Variants in ATP8A1 observed in about 807,000 individuals in gnomAD.
The protein encoded by ATP8A1 is phospholipid-transporting ATPase IA.
Under a neutral mutation model 177.7 loss-of-function variants are expected in ATP8A1, and 90 were observed. The observed-to-expected ratio is 0.51, with a 90% confidence interval of 0.43 to 0.60. The LOEUF (loss-of-function observed/expected upper bound fraction) is 0.60, where lower values mean the gene tolerates loss of function less well. Ranked by LOEUF, ATP8A1 falls within the 20% of genes least tolerant of loss-of-function variation. The pLI, the probability that ATP8A1 is intolerant of heterozygous loss-of-function variation, is 0.00. For synonymous variants in ATP8A1, 493 were observed against 485.9 expected, an observed-to-expected ratio of 1.01 and a Z score of -0.19; for missense variants, 1,072 against 1,392.8, an observed-to-expected ratio of 0.77 and a Z score of 3.67.
rs539820457 is a variant in ATP8A1, at chr4:42,440,507, C to T, written c.3123+3058G>A. ...TGTATTTATGGTCTGCCCCCTTGCA[C>T]TAGAAAAGTGAGCTATGGGAGGGCA... On this transcript the variant is annotated intron_variant, in intron 33 of 36. Coordinates refer to ENST00000381668, the MANE Select transcript of ATP8A1 (RefSeq NM_006095.2). Among the ~76,000 whole-genome samples the T allele has an allele frequency of 1.2e-4, 19 of 152,186 alleles. No individual in the cohort carries two copies. The South Asian group carries it at 3.9e-3, about 32-fold the overall frequency.
intron 31 of ATP8A1, among the ~76,000 whole-genome samples, chr4:42,446,098 A>AAAAAAAAAAAAAAAAAAAAAAAAAAAAG (rs1553874360): frequency 6.8e-6 from 1 of 146,898 alleles, no homozygotes; most frequent in African/African-American, 2.5e-5. Context: ...AAAAAAAAAA[A>AAAAAAAAAAAAAAAAAAAAAAAAAAAAG]AGAGAAGAGA....
intron 1 of ATP8A1, among the ~76,000 whole-genome samples, chr4:42,640,598 T>C (rs1226848458): frequency 6.6e-6 from 1 of 152,226 alleles, no homozygotes; most frequent in Non-Finnish European, 1.5e-5. Context: ...CCTATTGTTA[T>C]AAATGAAGAC....
chr4:42,501,696 T>G (rs1246492301), intron 24 of ATP8A1, among the ~76,000 whole-genome samples: 2 of 152,244 alleles, frequency 1.3e-5, no homozygotes, highest in African/African-American at 4.8e-5. Context: ...CATCTAATGA[T>G]TTGCCTGAAA....
chr4:42,482,334 CA>C (rs11445014), intron 25 of ATP8A1, among the ~76,000 whole-genome samples: 42,026 of 144,862 alleles, frequency 0.29, 6,068 homozygotes, highest in African/African-American at 0.35. Flanking sequence ...AACAAACAAA[CA>C]AAAAAAAAAA....
chr4:42,530,152 T>A (rs1353700586), intron 20 of ATP8A1, among the ~76,000 whole-genome samples: 2 of 152,148 alleles, frequency 1.3e-5, no homozygotes, highest in African/African-American at 4.8e-5. Flanking sequence ...AATGGGCCCA[T>A]GAACAAAGTG....
intron 25 of ATP8A1, among the ~76,000 whole-genome samples, chr4:42,471,633 T>C (rs1426767512): frequency 6.7e-6 from 1 of 149,678 alleles, no homozygotes; most frequent in Non-Finnish European, 1.5e-5. Context: ...CCGCCTAGTA[T>C]AGATATTTAT....
At chr4:42,599,457 T>C (rs1449846912) in intron 6 of ATP8A1, among the ~76,000 whole-genome samples, 1 of 152,224 alleles carries the variant, frequency 6.6e-6, no homozygotes, top group East Asian at 1.9e-4. Flanking sequence ...TTTTCCCATT[T>C]GTTGCTCTCA....
chr4:42,484,363 A>G (rs1721994763), intron 25 of ATP8A1, among the ~76,000 whole-genome samples: 1 of 152,200 alleles, frequency 6.6e-6, no homozygotes, highest in South Asian at 2.1e-4. Flanking sequence ...AAATTATATG[A>G]CTAAAATAAT....
At chr4:42,435,458 AAAAAAC>A (rs1560320601) in intron 33 of ATP8A1, among the ~76,000 whole-genome samples, 4 of 105,104 alleles carry the variant, frequency 3.8e-5, no homozygotes, top group African/African-American at 1.2e-4. Context: ...AACAAAAAAA[AAAAAAC>A]AAACTATCTC....
chr4:42,410,347 T>G lies in ATP8A1; in HGVS notation c.*2569A>C, dbSNP rs1712444192. 1 of 152,188 alleles carries G rather than the reference T, an allele frequency of 6.6e-6. No homozygotes were observed. The highest frequency in any genetic ancestry group is 1.5e-5 in the Non-Finnish European group (1 of 68,020). The allele number at this position is 152,188 out of a possible 1,614,324, so 9.4% of individuals were successfully genotyped here. A position where few individuals can be genotyped will look rare whatever the true frequency, so the allele number is the denominator to read the frequency against. On this transcript the variant is annotated 3_prime_UTR_variant, in exon 37 of 37. Coordinates refer to ENST00000381668, the MANE Select transcript of ATP8A1 (RefSeq NM_006095.2). ...ACATTGTAAAGCAACTGTGTTAGCA[T>G]TTGCCAGAGTCCCTATAAGGAACTT...
intron 21 of ATP8A1, among the ~76,000 whole-genome samples, chr4:42,524,423 T>C (rs1045823408): frequency 6.7e-6 from 1 of 150,100 alleles, no homozygotes. Context: ...GAATATCTGT[T>C]TTTTTTTTTT....
At chr4:42,508,116 G>C (rs1195168503) in intron 22 of ATP8A1, among the ~76,000 whole-genome samples, 1 of 152,062 alleles carries the variant, frequency 6.6e-6, no homozygotes, top group African/African-American at 2.4e-5. Flanking sequence ...GGGCTCTGGG[G>C]AAAGCTGTTA....
chr4:42,505,653 T>C (rs1451497038), intron 23 of ATP8A1, among the ~76,000 whole-genome samples: 4 of 152,250 alleles, frequency 2.6e-5, no homozygotes, highest in Non-Finnish European at 5.9e-5. Flanking sequence ...ATCAATTTGC[T>C]ATAAATTTGA....
At chr4:42,573,079 A>G (rs1326419515) in intron 14 of ATP8A1, among the ~76,000 whole-genome samples, 2 of 152,200 alleles carry the variant, frequency 1.3e-5, no homozygotes, top group African/African-American at 4.8e-5. Context: ...ACCTCTTCCA[A>G]GAATAAGAAA....
At chr4:42,446,023 T>C (rs1717177430) in intron 31 of ATP8A1, among the ~76,000 whole-genome samples, 1 of 134,404 alleles carries the variant, frequency 7.4e-6, no homozygotes, top group Non-Finnish European at 1.5e-5. Flanking sequence ...GAGGCTGCAG[T>C]GAGCCAAGGT....
Position 42,423,605 on chromosome 4 carries a change from G to A in ATP8A1, c.3212+12C>T. On this transcript the variant is annotated intron_variant, in intron 34 of 36. Coordinates refer to ENST00000381668, the MANE Select transcript of ATP8A1 (RefSeq NM_006095.2). The stretch of plus-strand genomic sequence containing the variant: ...TCTATATTTCTCCGTATATAACTGA[G>A]TATATACTTACACCTTGTACACCAC... The A allele has an allele frequency of 3.8e-6, 6 of 1,567,186 alleles. No individual in the cohort carries two copies. Among genetic ancestry groups the A allele is most frequent in the Non-Finnish European group, 4.4e-6 (5 of 1,140,304 alleles).
intron 25 of ATP8A1, among the ~76,000 whole-genome samples, chr4:42,476,601 A>G (rs1048475945): frequency 6.6e-6 from 1 of 151,564 alleles, no homozygotes; most frequent in Non-Finnish European, 1.5e-5. Context: ...CCTGGGCCAC[A>G]GGGTGAGATT....
intron 36 of ATP8A1, among the ~76,000 whole-genome samples, chr4:42,413,675 T>C (rs1430666281): frequency 1.3e-5 from 2 of 152,342 alleles, no homozygotes; most frequent in South Asian, 2.1e-4. Context: ...ATTTCGTCCA[T>C]GGCAAGTTCA....
intron 1 of ATP8A1, among the ~76,000 whole-genome samples, chr4:42,643,131 T>A (rs1233189017): frequency 6.6e-6 from 1 of 152,172 alleles, no homozygotes; most frequent in Non-Finnish European, 1.5e-5. Context: ...GTCCTGGCAA[T>A]GTAATTATCG....
Sources: gnomAD v4.1 joint callset for allele counts (sites outside exome capture counted in the v4.1 genomes callset) on GRCh38, gnomAD v4.1.1 for gene constraint, MANE v1.5 for transcripts, NCBI Gene and HGNC (gene_info 2026-07-23, HGNC 2026-07-21) for gene names.